DIS3L2: variants seen among roughly 807,000 people sequenced by gnomAD.
DIS3L2 encodes the protein DIS3-like exonuclease 2.
A neutral mutation model predicts 97.5 loss-of-function variants in DIS3L2; 34 were observed. The observed-to-expected ratio is 0.35, with a 90% confidence interval of 0.27 to 0.46. The LOEUF is 0.46. DIS3L2 is among the 20% of genes least tolerant of loss of function. The pLI is 1.00. For missense variants in DIS3L2, 1,038 were observed against 1,146.0 expected, an observed-to-expected ratio of 0.91 and a Z score of 1.36; for synonymous variants, 435 against 445.2, an observed-to-expected ratio of 0.98 and a Z score of 0.29.
At chr2:232,111,326 T>C in intron 6 of DIS3L2, 1 of 465,744 alleles carries the variant, frequency 2.1e-6, no homozygotes, top group South Asian at 1.6e-5. Flanking sequence ...ATCATATTTT[T>C]TTAAAGAGCA....
intron 7 of DIS3L2, chr2:232,131,258 T>C (rs1453122605): frequency 6.6e-6 from 1 of 152,248 alleles, no homozygotes; most frequent in African/African-American, 2.4e-5. Context: ...TAGAAGCTAG[T>C]GTCATTTTCA....
At chr2:232,258,701 A>G (rs1434159009) in intron 12 of DIS3L2, among the ~76,000 whole-genome samples, 1 of 152,096 alleles carries the variant, frequency 6.6e-6, no homozygotes, top group Non-Finnish European at 1.5e-5. Context: ...TTTCCGTGAA[A>G]AACTCTGTCC....
intron 5 of DIS3L2, among the ~76,000 whole-genome samples, chr2:232,065,477 C>T (rs563371776): frequency 2.0e-5 from 3 of 152,128 alleles, no homozygotes; most frequent in East Asian, 3.9e-4. Flanking sequence ...ACTCCTTTCC[C>T]TATTGAATTA....
At chr2:232,124,866 A>G (rs1698010377) in intron 6 of DIS3L2, among the ~76,000 whole-genome samples, 1 of 152,248 alleles carries the variant, frequency 6.6e-6, no homozygotes, top group African/African-American at 2.4e-5. Flanking sequence ...TGACCAGGAT[A>G]ACCTTTTCTC....
intron 1 of DIS3L2, among the ~76,000 whole-genome samples, chr2:231,977,250 G>C (rs1405140517): frequency 6.6e-6 from 1 of 151,960 alleles, no homozygotes; most frequent in Non-Finnish European, 1.5e-5. Flanking sequence ...CCGTCTGTCT[G>C]TACAATCTTA....
At chr2:232,330,245 G>T (rs1241597744) in intron 15 of DIS3L2, among the ~76,000 whole-genome samples, 1 of 152,244 alleles carries the variant, frequency 6.6e-6, no homozygotes, top group Non-Finnish European at 1.5e-5. Context: ...AGAGGGCAGG[G>T]GTCCTGTGGC....
intron 14 of DIS3L2, among the ~76,000 whole-genome samples, chr2:232,317,356 A>G (rs11676320): frequency 0.077 from 11,686 of 152,222 alleles, 959 homozygotes; most frequent in East Asian, 0.42. Context: ...CAGATGCTGG[A>G]CAAATGTCTC....
chr2:232,336,931 G>T lies in DIS3L2; in HGVS notation c.*301G>T, dbSNP rs886055778. 2.3e-4 allele frequency: 281 copies of T among 1,218,474 alleles called. No individual in the cohort carries two copies. Among genetic ancestry groups the T allele is most frequent in the Middle Eastern group, 6.9e-4 (2 of 2,902 alleles). The allele number at this position is 1,218,474 out of a possible 1,614,324, so 75.5% of individuals were successfully genotyped here. A position where few individuals can be genotyped will look rare whatever the true frequency, so the allele number is the denominator to read the frequency against. On this transcript the variant is annotated 3_prime_UTR_variant, in exon 21 of 21. Coordinates refer to ENST00000325385, the MANE Select transcript of DIS3L2 (RefSeq NM_152383.5). ...CCTCCTCTGCCCAGGAAATGGGGGG[G>T]TTTCAGCAACTCAGTGTCACAGAAT...
intron 9 of DIS3L2, among the ~76,000 whole-genome samples, chr2:232,174,047 T>C (rs1691076812): frequency 6.6e-6 from 1 of 152,166 alleles, no homozygotes; most frequent in African/African-American, 2.4e-5. Context: ...TTAACACTGT[T>C]AAGTCTTCCA....
intron 6 of DIS3L2, among the ~76,000 whole-genome samples, chr2:232,126,009 C>T (rs964597070): frequency 4.6e-5 from 7 of 152,168 alleles, no homozygotes; most frequent in Non-Finnish European, 4.4e-5. Context: ...TTCTGTGGCC[C>T]TCCATTCAGA....
intron 8 of DIS3L2, among the ~76,000 whole-genome samples, chr2:232,158,380 T>C (rs1690560145): frequency 6.6e-6 from 1 of 152,060 alleles, no homozygotes; most frequent in South Asian, 2.1e-4. Context: ...GTCTGATGAG[T>C]GTCCTACTTT....
rs530068293 is a variant in DIS3L2 at position 232,022,658 on chromosome 2, TTTTG to T, written c.211-1610_211-1607del. On this transcript the variant is annotated intron_variant, in intron 3 of 20. Coordinates refer to ENST00000325385, the MANE Select transcript of DIS3L2 (RefSeq NM_152383.5). ...AGACATTTAATTTCAATGAATTGAC[TTTTG>T]TTTGTTTGGAGTCTCTTCCCCTCAC... is the stretch of plus-strand genomic sequence containing the variant. 3.7e-4 allele frequency among the ~76,000 whole-genome samples: 56 copies of T among 152,302 alleles called. 2 individuals are homozygous for T. The East Asian group carries it at 0.01, about 28-fold the overall frequency.
intron 1 of DIS3L2, among the ~76,000 whole-genome samples, chr2:231,992,331 G>A (rs775079158): frequency 1.3e-5 from 2 of 152,002 alleles, no homozygotes; most frequent in East Asian, 1.9e-4. Context: ...TGAAGAGTAC[G>A]GGCCATGTTG....
intron 14 of DIS3L2, 28 bp from the exon 15 acceptor site, chr2:232,329,785 T>TGCCGGGGGGGGGCCACC: frequency 1.0e-6 from 1 of 967,144 alleles, no homozygotes; most frequent in Middle Eastern, 3.5e-4. Flanking sequence ...ACCCCAGCGG[T>TGCCGGGGGGGGGCCACC]CCCTCCCATC....
At chr2:232,215,825 C>T (rs759390111) in intron 10 of DIS3L2, among the ~76,000 whole-genome samples, 16 of 152,166 alleles carry the variant, frequency 1.1e-4, no homozygotes, top group Non-Finnish European at 2.2e-4. Flanking sequence ...GAGATGAAGT[C>T]ACTGGACCTG....
At chr2:232,175,555 T>C (rs951593128) in intron 9 of DIS3L2, among the ~76,000 whole-genome samples, 2 of 152,136 alleles carry the variant, frequency 1.3e-5, no homozygotes, top group Non-Finnish European at 1.5e-5. Context: ...ATTTGGGGTA[T>C]AGTTTTTTTT....
At chr2:231,974,382 C>T (rs912032531) in intron 1 of DIS3L2, among the ~76,000 whole-genome samples, 6 of 151,762 alleles carry the variant, frequency 4.0e-5, no homozygotes, top group Non-Finnish European at 7.4e-5. Context: ...ATTTTTTTTT[C>T]AGTCTTTTTT....
At chr2:232,176,443 C>T (rs1487673369) in intron 9 of DIS3L2, among the ~76,000 whole-genome samples, 1 of 151,802 alleles carries the variant, frequency 6.6e-6, no homozygotes, top group Non-Finnish European at 1.5e-5. Flanking sequence ...TTATTTCCTT[C>T]TCTTTTTTTT....
rs549781373 is a variant in DIS3L2 at position 232,290,448 on chromosome 2, G to T, written c.1660-9592G>T. Among the ~76,000 whole-genome samples, 216 of 152,226 alleles carry T rather than the reference G, an allele frequency of 1.4e-3. 3 individuals carry two copies. Among genetic ancestry groups the T allele is most frequent in the African/African-American group, 4.3e-3 (179 of 41,534 alleles). On this transcript the variant is annotated intron_variant, in intron 13 of 20. Transcript: ENST00000325385. Reference sequence around the variant, plus strand: ...AGGTCGTGTGGGACAGTGGTGAGCCGAACTCTCCTGCCATAGACGTGCTGG... The same window carrying T: ...AGGTCGTGTGGGACAGTGGTGAGCCTAACTCTCCTGCCATAGACGTGCTGG...
Sources: gnomAD v4.1 joint callset for allele counts (sites outside exome capture counted in the v4.1 genomes callset) on GRCh38, gnomAD v4.1.1 for gene constraint, MANE v1.5 for transcripts, NCBI Gene and HGNC (gene_info 2026-07-23, HGNC 2026-07-21) for gene names.